Variants in DAGLA observed in about 807,000 individuals in gnomAD.
DAGLA encodes the protein diacylglycerol lipase-alpha.
Under a neutral mutation model 102.6 loss-of-function variants are expected in DAGLA, and 22 were observed. The ratio of observed to expected loss-of-function variants is 0.21; its 90% CI spans 0.15 to 0.31. DAGLA has a LOEUF of 0.31. Among genes scored for constraint, DAGLA ranks in the 10% least tolerant of loss-of-function variants. The pLI, the probability that DAGLA is intolerant of heterozygous loss-of-function variation, is 1.00. For synonymous variants in DAGLA, 578 were observed against 628.9 expected, an observed-to-expected ratio of 0.92 and a Z score of 1.21; for missense variants, 927 against 1,446.6, an observed-to-expected ratio of 0.64 and a Z score of 5.83.
chr11:61,743,676 C>T lies in DAGLA; in HGVS notation c.2316C>T (p.Ala772=), dbSNP rs2065504621. The T allele has an allele frequency of 6.2e-7, 1 of 1,600,528 alleles. No homozygotes were observed. Among genetic ancestry groups the T allele is most frequent in the African/African-American group, 1.3e-5 (1 of 74,832 alleles). The change falls in exon 20 of 20, where the codon GCC becomes GCT. Residue 772 remains alanine (A), a synonymous_variant. Coordinates refer to ENST00000257215, the MANE Select transcript of DAGLA (RefSeq NM_006133.3). ...AGCGGCTGGCGGCGGAGCTGCAGGC[C>T]CGGCGGGCACCACTGGCCACCATGG... ...TQERLAAELQ[A]RRAPLATMES...
At chr11:61,681,086 G>A (rs1433283244) in intron 1 of DAGLA, among the ~76,000 whole-genome samples, 1 of 152,136 alleles carries the variant, frequency 6.6e-6, no homozygotes, top group Non-Finnish European at 1.5e-5. Flanking sequence ...GGGGCTACCC[G>A]GCACTGCCGC....
chr11:61,734,188 G>A lies in DAGLA; in HGVS notation c.975-661G>A, dbSNP rs535613514. On this transcript the variant is annotated intron_variant, in intron 9 of 19. Coordinates refer to ENST00000257215, the MANE Select transcript of DAGLA (RefSeq NM_006133.3). The surrounding 1 kb of genome is among the most constrained non-coding windows in gnomAD (Gnocchi z 4.2). ...CCAGGGCAGGGGTAGGGGAGGTGAGGGAGTGCCTGGAGTCCAGCTCTGAGT... is the reference window on the plus strand; with the variant it reads ...CCAGGGCAGGGGTAGGGGAGGTGAGAGAGTGCCTGGAGTCCAGCTCTGAGT... Among the ~76,000 whole-genome samples, 1 of 152,178 alleles carries A rather than the reference G, an allele frequency of 6.6e-6. No individual in the cohort carries two copies. Among genetic ancestry groups the A allele is most frequent in the Admixed American group, 6.5e-5 (1 of 15,280 alleles).
Position 61,735,010 on chromosome 11 carries a change from C to T in DAGLA, c.1128+8C>T, listed in dbSNP as rs1257317510. The T allele has an allele frequency of 8.7e-6, 14 of 1,611,434 alleles. No individual in the cohort carries two copies. The highest frequency in any genetic ancestry group is 3.3e-5 in the South Asian group (3 of 91,000). On this transcript the variant is annotated splice_region_variant and intron_variant, in intron 10 of 19. Transcript: ENST00000257215. The stretch of plus-strand genomic sequence containing the variant: ...ACCTCCTGCCATGATGCGGTGAGGC[C>T]GGGCAGGGCTGGGGCCTGGTGTCAG...
chr11:61,710,595 C>T (rs529697277), intron 1 of DAGLA, among the ~76,000 whole-genome samples: 10 of 152,072 alleles, frequency 6.6e-5, no homozygotes, highest in Middle Eastern at 3.4e-3. Flanking sequence ...CCAGTGCGGC[C>T]GTGCTGGGCT....
chr11:61,743,677 C>G lies in DAGLA; in HGVS notation c.2317C>G (p.Arg773Gly), dbSNP rs541505185. 1 of 1,600,578 alleles carries G rather than the reference C, an allele frequency of 6.2e-7. No individual in the cohort carries two copies. The highest frequency in any genetic ancestry group is 1.3e-5 in the African/African-American group (1 of 74,816). ...QERLAAELQA[R>G]RAPLATMESL... is the part of the protein sequence containing the mutation. ...GCGGCTGGCGGCGGAGCTGCAGGCCCGGCGGGCACCACTGGCCACCATGGA... is the reference window on the plus strand; with the variant it reads ...GCGGCTGGCGGCGGAGCTGCAGGCCGGGCGGGCACCACTGGCCACCATGGA... Residue 773 changes from arginine (R) to glycine (G), a missense_variant, in exon 20 of 20, where the codon CGG (arginine) becomes GGG (glycine). Arg to Gly is a moderately radical substitution (Grantham distance 125). Coordinates refer to ENST00000257215, the MANE Select transcript of DAGLA (RefSeq NM_006133.3).
chr11:61,737,792 GC>G, intron 15 of DAGLA, 37 bp downstream of exon 15: 2 of 1,585,242 alleles, frequency 1.3e-6, no homozygotes, highest in Non-Finnish European at 1.7e-6. Context: ...CCCTTGCCAG[GC>G]TGTTCCTCCC....
intron 1 of DAGLA, among the ~76,000 whole-genome samples, chr11:61,687,199 A>G (rs2064992294): frequency 6.6e-6 from 1 of 152,118 alleles, no homozygotes; most frequent in Non-Finnish European, 1.5e-5. Flanking sequence ...AGGGACACTC[A>G]GAGAGGCAGG....
intron 8 of DAGLA, among the ~76,000 whole-genome samples, chr11:61,729,653 G>A (rs1472650910): frequency 6.6e-6 from 1 of 152,194 alleles, no homozygotes; most frequent in Non-Finnish European, 1.5e-5. Context: ...CTGAATCTGT[G>A]AAATGACACT....
chr11:61,743,551 A>G lies in DAGLA; in HGVS notation c.2191A>G (p.Met731Val), dbSNP rs755632644. 1 of 1,526,082 alleles carries G rather than the reference A, an allele frequency of 6.6e-7. No homozygotes were observed. The highest frequency in any genetic ancestry group is 2.1e-5 in the Admixed American group (1 of 47,196). 94.5% of individuals were successfully genotyped at this position (1,526,082 alleles called of 1,614,324 possible). Residue 731 changes from methionine (M) to valine (V), a missense_variant, in exon 20 of 20, where the codon ATG becomes GTG. Coordinates refer to ENST00000257215, the MANE Select transcript of DAGLA (RefSeq NM_006133.3). ...CTGCAGGAGCAAGTCCCAGTCTGAG[A>G]TGAGCCTGGAGGGCTTCTCGGAGGG... ...SSVRSKSQSE[M>V]SLEGFSEGRL...
intron 8 of DAGLA, among the ~76,000 whole-genome samples, chr11:61,729,839 G>A (rs1176114198): frequency 3.3e-5 from 5 of 151,936 alleles, no homozygotes; most frequent in African/African-American, 4.8e-5. Flanking sequence ...TTGGGAGGCC[G>A]AGGTGGGAGG....
rs1453835115 is a variant in DAGLA, at chr11:61,686,232, T to C, written c.-45+5728T>C. ...CACTAGGAGGGGAAGGGGTGGGAAG[T>C]GGGGCCAGGAAGCTGAGCTGGGCCT... On this transcript the variant is annotated intron_variant, in intron 1 of 19. Transcript: ENST00000257215. The surrounding 1 kb of genome is among the most constrained non-coding windows in gnomAD (Gnocchi z 5.2). Among the ~76,000 whole-genome samples, 30 of 151,680 alleles carry C rather than the reference T, an allele frequency of 2.0e-4. No homozygotes were observed. The highest frequency in any genetic ancestry group is 1.5e-5 in the Non-Finnish European group (1 of 67,906).
chr11:61,680,707 C>T lies in DAGLA; in HGVS notation c.-45+203C>T, dbSNP rs367665441. On this transcript the variant is annotated intron_variant, in intron 1 of 19. Transcript: ENST00000257215. ...CGTGGGGATGGTGACACGCGTGGCA[C>T]GGGCGTGGGCAACGTGGGTCCGGCA... Among the ~76,000 whole-genome samples the T allele has an allele frequency of 1.3e-3, 203 of 151,964 alleles. 6 individuals are homozygous for T. The South Asian group carries it at 0.041, about 30-fold the overall frequency.
rs2065275026 is a variant in DAGLA, at chr11:61,720,772, G to A, written c.189G>A (p.Leu63=). 1.9e-6 allele frequency: 3 copies of A among 1,613,920 alleles called. No homozygotes were observed. The highest frequency in any genetic ancestry group is 1.3e-5 in the African/African-American group (1 of 75,050). ...TGGTGGACCACGGCCGCGGCTACCT[G>A]GGCATCCTGCTGAGCTGCATGATCG... The part of the protein sequence containing the change: ...LNLVDHGRGY[L]GILLSCMIAE... The change falls in exon 3 of 20, where the codon CTG becomes CTA. Residue 63 remains leucine (L), a synonymous_variant. Transcript: ENST00000257215.
chr11:61,745,601 G>T lies in DAGLA; in HGVS notation c.*1112G>T, dbSNP rs960083757. On this transcript the variant is annotated 3_prime_UTR_variant, in exon 20 of 20. Transcript: ENST00000257215. ...GACCTCTGTCCACTGCCCAGGGAGG[G>T]GCCTGGGGCTGGGAGCAGTCCCGGT... 7 of 152,816 alleles carry T rather than the reference G, an allele frequency of 4.6e-5. No individual in the cohort carries two copies. In the East Asian group the frequency reaches 1.3e-3, roughly 29 times the overall value. The allele number at this position is 152,816 out of a possible 1,614,324, so 9.5% of individuals were successfully genotyped here. A position where few individuals can be genotyped will look rare whatever the true frequency, so the allele number is the denominator to read the frequency against.
chr11:61,740,747 C>T (rs1382242309), intron 18 of DAGLA, among the ~76,000 whole-genome samples, 155 bp downstream of exon 18: 3 of 152,228 alleles, frequency 2.0e-5, no homozygotes, highest in African/African-American at 7.2e-5. Context: ...CACTCAAATA[C>T]TTCAACCTCA....
intron 8 of DAGLA, among the ~76,000 whole-genome samples, chr11:61,730,494 A>T (rs1425296022): frequency 6.6e-6 from 1 of 151,964 alleles, no homozygotes; most frequent in Non-Finnish European, 1.5e-5. Flanking sequence ...CACCTATTTC[A>T]CTTCACAAGG....
At chr11:61,741,829 C>T (rs935382290) in intron 19 of DAGLA, among the ~76,000 whole-genome samples, 3 of 152,070 alleles carry the variant, frequency 2.0e-5, no homozygotes, top group Admixed American at 6.5e-5. Context: ...CCAGGCTGGT[C>T]TTGAACTCCT....
intron 1 of DAGLA, among the ~76,000 whole-genome samples, chr11:61,694,652 G>A (rs1458880566): frequency 3.9e-5 from 6 of 152,142 alleles, no homozygotes; most frequent in African/African-American, 1.2e-4. Flanking sequence ...CCCCATTTCC[G>A]GCAGCCCTGA....
chr11:61,726,482 C>T (rs1487174135), intron 6 of DAGLA, among the ~76,000 whole-genome samples: 1 of 152,254 alleles, frequency 6.6e-6, no homozygotes, highest in Non-Finnish European at 1.5e-5. Context: ...GGACACATAG[C>T]CTTCAGCACC....
Sources: gnomAD v4.1 joint callset for allele counts (sites outside exome capture counted in the v4.1 genomes callset) on GRCh38, gnomAD v4.1.1 for gene constraint, Gnocchi (gnomAD v3.1) non-coding constraint, MANE v1.5 for transcripts, NCBI Gene and HGNC (gene_info 2026-07-23, HGNC 2026-07-21) for gene names.